ZNF160: variants seen among roughly 807,000 people sequenced by gnomAD.
The protein encoded by ZNF160 is KRAB zinc finger protein KR18.
In ZNF160, 9 loss-of-function variants were observed where a neutral mutation model predicts 13.1. That is an observed-to-expected ratio of 0.69 (90% confidence interval 0.41 to 1.20). ZNF160 has a LOEUF of 1.20. Among genes scored for constraint, ZNF160 ranks in the 50% most tolerant of loss-of-function variants. The probability of loss-of-function intolerance (pLI) is 0.01; values close to 1 mark genes in which losing one functional copy is unlikely to be tolerated. For synonymous variants in ZNF160, 293 were observed against 333.2 expected, an observed-to-expected ratio of 0.88 and a Z score of 1.31; for missense variants, 838 against 988.0, an observed-to-expected ratio of 0.85 and a Z score of 2.04.
At chr19:53,099,671 T>A (rs1165525472) in intron 1 of ZNF160, among the ~76,000 whole-genome samples, 2 of 152,240 alleles carry the variant, frequency 1.3e-5, no homozygotes, top group Non-Finnish European at 2.9e-5. Flanking sequence ...GAGTCCCATT[T>A]AAATTTTTAA....
At chr19:53,078,567 C>T (rs1356008468) in intron 3 of ZNF160, among the ~76,000 whole-genome samples, 1 of 152,124 alleles carries the variant, frequency 6.6e-6, no homozygotes, top group Non-Finnish European at 1.5e-5. Context: ...GATCACACCA[C>T]TGCACTCCAG....
Position 53,086,206 on chromosome 19 carries a change from A to G in ZNF160, c.15+56T>C, listed in dbSNP as rs533586427. On this transcript the variant is annotated intron_variant, in intron 3 of 5. Transcript: ENST00000683776. ...GACTCAGAGAAGATTCGCAATGCCA[A>G]TGCCAGGCATTTCAGGAAGAAATAA... 45 of 1,539,600 alleles carry G rather than the reference A, an allele frequency of 2.9e-5. No homozygotes were observed. The South Asian group carries it at 4.3e-4, about 15-fold the overall frequency.
At position 53,098,909 on chromosome 19, in the gene ZNF160, A is replaced by C. The variant is rs938038245; in HGVS notation, c.-354+4356T>G. On this transcript the variant is annotated intron_variant, in intron 1 of 5. Coordinates refer to ENST00000683776, the MANE Select transcript of ZNF160 (RefSeq NM_001322131.2). ...CCTCAGTGAGGCCTTCTGCTCTTAC[A>C]TAGACTGGAATAAATAGCCACAGGA... Among the ~76,000 whole-genome samples the C allele has an allele frequency of 6.0e-5, 9 of 150,696 alleles. No individual in the cohort carries two copies. The East Asian group carries it at 1.7e-3, about 29-fold the overall frequency.
intron 3 of ZNF160, among the ~76,000 whole-genome samples, chr19:53,083,193 T>C (rs2084699247): frequency 6.6e-6 from 1 of 152,188 alleles, no homozygotes; most frequent in African/African-American, 2.4e-5. Flanking sequence ...ATTAAACCAT[T>C]GGCCACTGGT....
intron 3 of ZNF160, among the ~76,000 whole-genome samples, chr19:53,079,435 G>A (rs968070781): frequency 2.1e-4 from 31 of 151,018 alleles, no homozygotes; most frequent in African/African-American, 7.3e-4. Flanking sequence ...CTGTAATCCC[G>A]GCTACTTGGA....
At chr19:53,075,311 G>A in intron 3 of ZNF160, 128 bp from the exon 4 acceptor site, 1 of 1,208,242 alleles carries the variant, frequency 8.3e-7, no homozygotes, top group Admixed American at 2.3e-5. Flanking sequence ...TCCAGATTGT[G>A]ACAATGTGAC....
Position 53,074,134 on chromosome 19 carries a change from T to A in ZNF160, c.271+6A>T, listed in dbSNP as rs760035463. ...TGGCCTTCTCTCTGCCCATCTGAGC[T>A]CTTACCTGTGACCACGCCTTTGACA... On this transcript the variant is annotated splice_donor_region_variant and intron_variant, in intron 5 of 5. Transcript: ENST00000683776. The A allele has an allele frequency of 2.5e-6, 4 of 1,613,820 alleles. No homozygotes were observed. Among genetic ancestry groups the A allele is most frequent in the Non-Finnish European group, 3.4e-6 (4 of 1,179,830 alleles).
intron 2 of ZNF160, among the ~76,000 whole-genome samples, chr19:53,086,871 G>T (rs75326872): frequency 1.1e-4 from 16 of 152,268 alleles, no homozygotes; most frequent in Non-Finnish European, 1.9e-4. Flanking sequence ...CCACTGAGGG[G>T]GTGAGCCCAG....
In ZNF160 at chr19:53,069,704, C is replaced by A. The variant is rs776193303; in HGVS notation, c.830G>T (p.Arg277Ile). The A allele has an allele frequency of 6.2e-7, 1 of 1,614,226 alleles. No individual in the cohort carries two copies. The highest frequency in any genetic ancestry group is 1.1e-5 in the South Asian group (1 of 91,082). ...TQNSNLTSHRRIHSGEKPYKC... is the reference protein window; with the variant it reads ...TQNSNLTSHRIIHSGEKPYKC... ...GTAAGGCTTCTCTCCACTATGAATT[C>A]TCCTATGACTTGTAAGGTTCGAATT... The change falls in exon 6 of 6, where the codon AGA (arginine) becomes ATA (isoleucine). Residue 277 changes from arginine (R) to isoleucine (I), a missense_variant. Coordinates refer to ENST00000683776, the MANE Select transcript of ZNF160 (RefSeq NM_001322131.2). This position sits in a 1 kb window ranked among gnomAD's most constrained non-coding sequence, Gnocchi z 4.4.
chr19:53,102,492 G>C (rs188932419), intron 1 of ZNF160, among the ~76,000 whole-genome samples: 3 of 152,262 alleles, frequency 2.0e-5, no homozygotes, highest in Admixed American at 2.0e-4. Flanking sequence ...TCCTTATCTT[G>C]TTGTCCTGCA....
intron 2 of ZNF160, among the ~76,000 whole-genome samples, chr19:53,090,798 C>T (rs542802737): frequency 1.4e-4 from 21 of 152,270 alleles, no homozygotes; most frequent in Non-Finnish European, 2.8e-4. Context: ...TGTGCAGACG[C>T]AATGAAGGGC....
Position 53,067,963 on chromosome 19 carries a change from T to C in ZNF160, c.*114A>G. On this transcript the variant is annotated 3_prime_UTR_variant, in exon 6 of 6. Transcript: ENST00000683776. Reference sequence around the variant, plus strand: ...CTTGCTTATGGCCTCTCATATCTATTAATGCTTCAACTCATGAGGGATTGG... The same window carrying C: ...CTTGCTTATGGCCTCTCATATCTATCAATGCTTCAACTCATGAGGGATTGG... 2 of 1,416,032 alleles carry C rather than the reference T, an allele frequency of 1.4e-6. No individual in the cohort carries two copies. Among genetic ancestry groups the C allele is most frequent in the South Asian group, 1.4e-5 (1 of 70,160 alleles). The allele number at this position is 1,416,032 out of a possible 1,614,324, so 87.7% of individuals were successfully genotyped here. A position where few individuals can be genotyped will look rare whatever the true frequency, so the allele number is the denominator to read the frequency against.
At chr19:53,084,023 C>T (rs1372656658) in intron 3 of ZNF160, among the ~76,000 whole-genome samples, 2 of 152,170 alleles carry the variant, frequency 1.3e-5, no homozygotes, top group African/African-American at 4.8e-5. Flanking sequence ...CAGACACTCT[C>T]TACAGGGCAA....
At chr19:53,098,968 T>G (rs2085342009) in intron 1 of ZNF160, among the ~76,000 whole-genome samples, 1 of 149,714 alleles carries the variant, frequency 6.7e-6, no homozygotes, top group Non-Finnish European at 1.5e-5. Flanking sequence ...ATTTCCAGAA[T>G]ATGAGACCAT....
intron 1 of ZNF160, among the ~76,000 whole-genome samples, chr19:53,101,369 G>A (rs993273445): frequency 4.6e-5 from 7 of 151,786 alleles, no homozygotes; most frequent in Non-Finnish European, 1.0e-4. Context: ...TAGAAAGCAT[G>A]CAGACCTCAA....
chr19:53,081,981 C>T (rs2084649949), intron 3 of ZNF160, among the ~76,000 whole-genome samples: 1 of 152,158 alleles, frequency 6.6e-6, no homozygotes, highest in Non-Finnish European at 1.5e-5. Context: ...ATGGATGCAG[C>T]TGGAGGCCGT....
At chr19:53,095,728 C>G (rs980406829) in intron 1 of ZNF160, 1 of 152,006 alleles carries the variant, frequency 6.6e-6, no homozygotes, top group African/African-American at 2.4e-5. Flanking sequence ...TGTTTATGCA[C>G]AATGTTCAGT....
chr19:53,076,001 T>C (rs962483808), intron 3 of ZNF160: 1 of 272,064 alleles, frequency 3.7e-6, no homozygotes, highest in Non-Finnish European at 7.5e-6. Flanking sequence ...GTTGCAGAAT[T>C]GTTTATTTGA....
intron 3 of ZNF160, among the ~76,000 whole-genome samples, chr19:53,082,756 G>C (rs577504543): frequency 1.3e-5 from 2 of 152,154 alleles, no homozygotes; most frequent in East Asian, 3.8e-4. Context: ...AGCAGACACC[G>C]CCTGGGTATC....
Sources: gnomAD v4.1 joint callset for allele counts (sites outside exome capture counted in the v4.1 genomes callset) on GRCh38, gnomAD v4.1.1 for gene constraint, Gnocchi (gnomAD v3.1) non-coding constraint, MANE v1.5 for transcripts, NCBI Gene and HGNC (gene_info 2026-07-23, HGNC 2026-07-21) for gene names.